Variants in DRC8 observed in about 807,000 individuals in gnomAD.
The protein encoded by DRC8 is dynein regulatory complex protein 8.
the DRC8 span, among the ~76,000 whole-genome samples, chr1:245,046,337 A>G: frequency 1.7e-4 from 26 of 151,876 alleles, no homozygotes; most frequent in African/African-American, 6.3e-4. Context: ...ACAGACCTCG[A>G]TCTCTTTCTC....
chr1:245,098,797 G>A, the DRC8 span, among the ~76,000 whole-genome samples: 1 of 152,214 alleles, frequency 6.6e-6, no homozygotes, highest in Non-Finnish European at 1.5e-5. Context: ...AGGGAGGCCG[G>A]GGGTCAAGGC....
At chr1:245,009,384 T>G in the DRC8 span, among the ~76,000 whole-genome samples, 1 of 152,034 alleles carries the variant, frequency 6.6e-6, no homozygotes, top group Non-Finnish European at 1.5e-5. Flanking sequence ...GCCTGGAATA[T>G]TTCAAACCAG....
the DRC8 span, among the ~76,000 whole-genome samples, chr1:245,031,298 A>G: frequency 2.6e-5 from 4 of 151,934 alleles, no homozygotes; most frequent in Non-Finnish European, 4.4e-5. Context: ...ACATAGCTAT[A>G]CTGTAATTCC....
chr1:245,032,397 C>G, the DRC8 span, among the ~76,000 whole-genome samples: 1 of 152,280 alleles, frequency 6.6e-6, no homozygotes, highest in African/African-American at 2.4e-5. Flanking sequence ...AGCTCCTAAC[C>G]CATCGCCATC....
the DRC8 span, among the ~76,000 whole-genome samples, chr1:245,036,207 T>C: frequency 5.6e-4 from 85 of 152,310 alleles, no homozygotes; most frequent in African/African-American, 1.8e-3. Context: ...CCAATTAAAA[T>C]GTGGACAAAG....
the DRC8 span, among the ~76,000 whole-genome samples, chr1:244,995,591 T>G: frequency 6.6e-6 from 1 of 152,156 alleles, no homozygotes; most frequent in African/African-American, 2.4e-5. Context: ...GTGATTGTGA[T>G]CCTACCACCT....
chr1:244,970,516 G>T, the DRC8 span: 11 of 1,501,646 alleles, frequency 7.3e-6, no homozygotes, highest in Non-Finnish European at 9.7e-6. Context: ...GGAAGCGCCG[G>T]GTGGGGTGGG....
chr1:245,076,918 G>A, the DRC8 span, among the ~76,000 whole-genome samples: 13 of 152,148 alleles, frequency 8.5e-5, no homozygotes, highest in Non-Finnish European at 4.4e-5. Context: ...GTAGAGATGG[G>A]GTTTCGCCGT....
chr1:245,078,236 T>C, the DRC8 span, among the ~76,000 whole-genome samples: 2 of 152,100 alleles, frequency 1.3e-5, no homozygotes, highest in Non-Finnish European at 2.9e-5. Flanking sequence ...GGTGGGAGTG[T>C]AAATTGGCAC....
chr1:245,062,114 G>A, the DRC8 span, among the ~76,000 whole-genome samples: 2 of 151,982 alleles, frequency 1.3e-5, no homozygotes, highest in Non-Finnish European at 2.9e-5. Flanking sequence ...TCAAAAAAAC[G>A]AACAAACAAA....
chr1:244,977,104 AAGT>A, the DRC8 span, among the ~76,000 whole-genome samples: 1 of 152,188 alleles, frequency 6.6e-6, no homozygotes, highest in African/African-American at 2.4e-5. Flanking sequence ...TGGAGACAGA[AAGT>A]AGATTGCTGG....
At chr1:245,056,646 C>T in the DRC8 span, among the ~76,000 whole-genome samples, 1 of 152,156 alleles carries the variant, frequency 6.6e-6, no homozygotes, top group African/African-American at 2.4e-5. Flanking sequence ...GGAAGAAAAA[C>T]TTTAGACAAG....
the DRC8 span, among the ~76,000 whole-genome samples, chr1:245,055,050 A>G: frequency 6.6e-6 from 1 of 152,326 alleles, no homozygotes; most frequent in Non-Finnish European, 1.5e-5. Context: ...TTCAGAACAG[A>G]GAATTTCAGG....
chr1:245,101,294 T>G, the DRC8 span, among the ~76,000 whole-genome samples: 5 of 152,236 alleles, frequency 3.3e-5, no homozygotes, highest in Non-Finnish European at 5.9e-5. Flanking sequence ...TCCTGTAGAA[T>G]TTCCCACATC....
the DRC8 span, among the ~76,000 whole-genome samples, chr1:244,973,827 G>A: frequency 1.3e-5 from 2 of 152,278 alleles, no homozygotes; most frequent in South Asian, 4.1e-4. Context: ...AACTTTGATA[G>A]AAGTATTGAG....
the DRC8 span, among the ~76,000 whole-genome samples, chr1:245,098,269 C>T: frequency 6.6e-6 from 1 of 152,178 alleles, no homozygotes; most frequent in Admixed American, 6.5e-5. Context: ...AGAAGCCAAC[C>T]AGACATCCAG....
the DRC8 span, among the ~76,000 whole-genome samples, chr1:245,100,122 C>G: frequency 6.6e-6 from 1 of 152,156 alleles, no homozygotes; most frequent in East Asian, 1.9e-4. Flanking sequence ...CGGTGGCTCA[C>G]GCCTGTAATC....
At chr1:244,975,395 C>G in the DRC8 span, among the ~76,000 whole-genome samples, 19 of 152,290 alleles carry the variant, frequency 1.2e-4, no homozygotes, top group African/African-American at 4.1e-4. Flanking sequence ...ATTTGAATTC[C>G]GTCTTCCCCA....
chr1:245,037,843 A>G, the DRC8 span, among the ~76,000 whole-genome samples: 2 of 152,098 alleles, frequency 1.3e-5, no homozygotes, highest in African/African-American at 2.4e-5. Context: ...ACCTATACAA[A>G]CAATGCCCAG....
Sources: allele counts gnomAD v4.1 joint callset (sites outside exome capture counted in the v4.1 genomes callset), GRCh38; gene constraint gnomAD v4.1.1; transcripts MANE v1.5; gene names NCBI Gene and HGNC (gene_info 2026-07-23, HGNC 2026-07-21).